KIRREL3: variants seen among roughly 807,000 people sequenced by gnomAD.
The protein encoded by KIRREL3 is kin of IRRE-like protein 3.
KIRREL3 carries 36 observed loss-of-function variants against 89.7 expected under a neutral mutation model. That is an observed-to-expected ratio of 0.40 (90% confidence interval 0.31 to 0.53). The LOEUF (loss-of-function observed/expected upper bound fraction) is 0.53. Among genes scored for constraint, KIRREL3 ranks in the 20% least tolerant of loss-of-function variants. The pLI, the probability that KIRREL3 is intolerant of heterozygous loss-of-function variation, is 0.49. For missense variants in KIRREL3, 864 were observed against 1,056.6 expected, an observed-to-expected ratio of 0.82 and a Z score of 2.53; for synonymous variants, 445 against 441.4, an observed-to-expected ratio of 1.01 and a Z score of -0.10.
At chr11:126,503,520 T>A (rs187145571) in intron 4 of KIRREL3, among the ~76,000 whole-genome samples, 42 of 152,270 alleles carry the variant, frequency 2.8e-4, no homozygotes, top group Admixed American at 5.9e-4. Flanking sequence ...TACAACTAGT[T>A]AGCTGGGTGG....
At chr11:126,552,549 A>ATTTTT (rs1565544795) in intron 2 of KIRREL3, among the ~76,000 whole-genome samples, 7 of 67,922 alleles carry the variant, frequency 1.0e-4, no homozygotes, top group Admixed American at 1.5e-4. Context: ...GAGAGAGAAA[A>ATTTTT]GTTTTTTTTT....
rs373321669 is a variant in KIRREL3, at chr11:126,811,069, T to A, written c.55+189386A>T. Reference sequence around the variant, plus strand: ...TGTCTGCCTTCCCTGGCTACACCCATGGGCACCTGGTGGCCCTGCTGAGGG... The same window carrying A: ...TGTCTGCCTTCCCTGGCTACACCCAAGGGCACCTGGTGGCCCTGCTGAGGG... On this transcript the variant is annotated intron_variant, in intron 1 of 16. Coordinates refer to ENST00000525144, the MANE Select transcript of KIRREL3 (RefSeq NM_032531.4). This position sits in a 1 kb window ranked among gnomAD's most constrained non-coding sequence, Gnocchi z 4.3. 2.0e-4 allele frequency among the ~76,000 whole-genome samples: 30 copies of A among 152,306 alleles called. No individual in the cohort carries two copies. Among genetic ancestry groups the A allele is most frequent in the African/African-American group, 6.3e-4 (26 of 41,566 alleles).
chr11:126,741,579 G>A (rs1454016152), intron 1 of KIRREL3, among the ~76,000 whole-genome samples: 1 of 152,220 alleles, frequency 6.6e-6, no homozygotes, highest in East Asian at 1.9e-4. Context: ...AGGGCCATAG[G>A]ATGAATGGGA....
rs1592338660 is a variant in KIRREL3, at chr11:126,912,102, A to C, written c.55+88353T>G. On this transcript the variant is annotated intron_variant, in intron 1 of 16. Transcript: ENST00000525144. This position sits in a 1 kb window ranked among gnomAD's most constrained non-coding sequence, Gnocchi z 4.7. The stretch of plus-strand genomic sequence containing the variant: ...TGGAGAGCCCCAAATCGTCCTTCAG[A>C]CCCCTGGCAGTCTGGAAGCCTAGAT... Among the ~76,000 whole-genome samples, 1 of 151,872 alleles carries C rather than the reference A, an allele frequency of 6.6e-6. No homozygotes were observed. Among genetic ancestry groups the C allele is most frequent in the Admixed American group, 6.6e-5 (1 of 15,240 alleles).
At chr11:126,964,984 C>T (rs987764965) in intron 1 of KIRREL3, among the ~76,000 whole-genome samples, 1 of 152,156 alleles carries the variant, frequency 6.6e-6, no homozygotes, top group Non-Finnish European at 1.5e-5. Context: ...AAAGTACTTT[C>T]CAAACATTCA....
At chr11:126,854,026 A>C (rs1046638308) in intron 1 of KIRREL3, among the ~76,000 whole-genome samples, 4 of 152,022 alleles carry the variant, frequency 2.6e-5, no homozygotes, top group African/African-American at 7.2e-5. Flanking sequence ...ATTCAGGGAA[A>C]AGGGTTCTCC....
At chr11:126,446,148 CAAA>C (rs56820180) in intron 9 of KIRREL3, among the ~76,000 whole-genome samples, 47 of 83,238 alleles carry the variant, frequency 5.6e-4, no homozygotes, top group African/African-American at 2.1e-3. Flanking sequence ...AACTCCATCT[CAAA>C]AAAAAAAAAA....
chr11:126,661,965 GA>G (rs576577669), intron 1 of KIRREL3, among the ~76,000 whole-genome samples: 45 of 152,244 alleles, frequency 3.0e-4, no homozygotes, highest in Non-Finnish European at 5.6e-4. Flanking sequence ...AGGATGACAG[GA>G]AATAAAAGAC....
chr11:126,836,229 C>T (rs1373284907), intron 1 of KIRREL3, among the ~76,000 whole-genome samples: 1 of 152,204 alleles, frequency 6.6e-6, no homozygotes, highest in African/African-American at 2.4e-5. Context: ...CCCTTTTGCC[C>T]TTGCAGTTGA....
chr11:126,524,099 G>GGTTC (rs1279842845), intron 3 of KIRREL3, among the ~76,000 whole-genome samples: 4 of 152,158 alleles, frequency 2.6e-5, no homozygotes, highest in Middle Eastern at 3.2e-3. Flanking sequence ...GAATTGCCTG[G>GGTTC]GTTCCAATGC....
rs981212649 is a variant in KIRREL3 at position 126,606,817 on chromosome 11, CTT to C, written c.56-43907_56-43906del. 1.5e-4 allele frequency among the ~76,000 whole-genome samples: 23 copies of C among 151,604 alleles called. No individual in the cohort carries two copies. The highest frequency in any genetic ancestry group is 5.6e-4 in the African/African-American group (23 of 41,294). ...CTACATGCTGGCCTTCTTCTGCACT[CTT>C]TTTTTCTTTCTTTAAAAGCTTAGAC... On this transcript the variant is annotated intron_variant, in intron 1 of 16. Transcript: ENST00000525144. This position sits in a 1 kb window ranked among gnomAD's most constrained non-coding sequence, Gnocchi z 4.6.
In KIRREL3 at chr11:126,570,016, A is replaced by G. The variant is rs1213251234; in HGVS notation, c.56-7104T>C. 1.3e-5 allele frequency among the ~76,000 whole-genome samples: 2 copies of G among 152,208 alleles called. No homozygotes were observed. Among genetic ancestry groups the G allele is most frequent in the Non-Finnish European group, 2.9e-5 (2 of 68,036 alleles). ...CAATAATAATGCCCATACATCATGC[A>G]AAGATCATAATTTTCTGATCAACCT... On this transcript the variant is annotated intron_variant, in intron 1 of 16. Transcript: ENST00000525144. This position sits in a 1 kb window ranked among gnomAD's most constrained non-coding sequence, Gnocchi z 6.1.
At position 126,883,704 on chromosome 11, in the gene KIRREL3, C is replaced by T. The variant is rs1392140255; in HGVS notation, c.55+116751G>A. Among the ~76,000 whole-genome samples, 1 of 152,106 alleles carries T rather than the reference C, an allele frequency of 6.6e-6. No individual in the cohort carries two copies. Among genetic ancestry groups the T allele is most frequent in the East Asian group, 1.9e-4 (1 of 5,190 alleles). On this transcript the variant is annotated intron_variant, in intron 1 of 16. Coordinates refer to ENST00000525144, the MANE Select transcript of KIRREL3 (RefSeq NM_032531.4). The surrounding 1 kb of genome is among the most constrained non-coding windows in gnomAD (Gnocchi z 4.1). ...TCCCACTTCACACTGTGAGGATCTCCTGGACAAGCATTAGTCTCAGAACTT... is the reference window on the plus strand; with the variant it reads ...TCCCACTTCACACTGTGAGGATCTCTTGGACAAGCATTAGTCTCAGAACTT...
At chr11:126,730,329 T>A (rs7943901) in intron 1 of KIRREL3, among the ~76,000 whole-genome samples, 5,340 of 152,204 alleles carry the variant, frequency 0.035, 330 homozygotes, top group African/African-American at 0.12. Flanking sequence ...ACCATCAACA[T>A]CCCCTAATTG....
chr11:126,579,906 C>T lies in KIRREL3; in HGVS notation c.56-16994G>A, dbSNP rs1941453546. On this transcript the variant is annotated intron_variant, in intron 1 of 16. Coordinates refer to ENST00000525144, the MANE Select transcript of KIRREL3 (RefSeq NM_032531.4). This position sits in a 1 kb window ranked among gnomAD's most constrained non-coding sequence, Gnocchi z 5.3. Reference sequence around the variant, plus strand: ...TGTCACCCAGGCTGGAGTGCAGTGGCACAATCTTGGCTCACTGGAAGCTCC... The same window carrying T: ...TGTCACCCAGGCTGGAGTGCAGTGGTACAATCTTGGCTCACTGGAAGCTCC... Among the ~76,000 whole-genome samples, 1 of 151,444 alleles carries T rather than the reference C, an allele frequency of 6.6e-6. No individual in the cohort carries two copies. Among genetic ancestry groups the T allele is most frequent in the Non-Finnish European group, 1.5e-5 (1 of 67,938 alleles).
At position 126,906,178 on chromosome 11, in the gene KIRREL3, C is replaced by T. The variant is rs1946574993; in HGVS notation, c.55+94277G>A. Among the ~76,000 whole-genome samples the T allele has an allele frequency of 6.6e-6, 1 of 152,198 alleles. No homozygotes were observed. The highest frequency in any genetic ancestry group is 1.5e-5 in the Non-Finnish European group (1 of 68,034). ...ATAGGCTCTCTTTTCTCTCTGTACA[C>T]TCCAGCTCCCTGGAAGACTTTCTGA... On this transcript the variant is annotated intron_variant, in intron 1 of 16. Coordinates refer to ENST00000525144, the MANE Select transcript of KIRREL3 (RefSeq NM_032531.4). This position sits in a 1 kb window ranked among gnomAD's most constrained non-coding sequence, Gnocchi z 4.1.
chr11:126,442,519 C>T (rs887526115), intron 10 of KIRREL3, among the ~76,000 whole-genome samples: 7 of 152,232 alleles, frequency 4.6e-5, no homozygotes, highest in African/African-American at 1.7e-4. Flanking sequence ...CTGCAGATAC[C>T]TGATTTGAGC....
chr11:126,504,393 G>T (rs1957958543), intron 4 of KIRREL3, among the ~76,000 whole-genome samples: 1 of 152,146 alleles, frequency 6.6e-6, no homozygotes. Context: ...TTCCATGAGT[G>T]ATTTTCTCTT....
At chr11:126,552,068 G>A (rs948217434) in intron 2 of KIRREL3, among the ~76,000 whole-genome samples, 11 of 152,242 alleles carry the variant, frequency 7.2e-5, no homozygotes, top group East Asian at 1.9e-4. Flanking sequence ...CTTTTGGTTC[G>A]AGACTCTTTC....
Sources: allele counts gnomAD v4.1 joint callset (sites outside exome capture counted in the v4.1 genomes callset), GRCh38; gene constraint gnomAD v4.1.1; non-coding constraint Gnocchi (gnomAD v3.1); transcripts MANE v1.5; gene names NCBI Gene and HGNC (gene_info 2026-07-23, HGNC 2026-07-21).